SPTLC3: variants seen among roughly 807,000 people sequenced by gnomAD.
The protein encoded by SPTLC3 is serine palmitoyltransferase long chain base subunit 3, also known as serine palmitoyltransferase 3.
In SPTLC3, 36 loss-of-function variants were observed where a neutral mutation model predicts 59.3. The ratio of observed to expected loss-of-function variants is 0.61; its 90% confidence interval spans 0.47 to 0.80. SPTLC3 has a LOEUF of 0.80. Among genes scored for constraint, SPTLC3 ranks in the 30% least tolerant of loss-of-function variants. SPTLC3 has a pLI of 0.00. For synonymous variants in SPTLC3, 257 were observed against 240.8 expected (o/e 1.07, Z -0.62); for missense variants, 625 against 685.1 (o/e 0.91, Z 0.98).
At chr20:13,013,849 G>C (rs1207351690) in intron 1 of SPTLC3, among the ~76,000 whole-genome samples, 3 of 152,146 alleles carry the variant, frequency 2.0e-5, no homozygotes, top group African/African-American at 7.2e-5. Context: ...TCATGATTCA[G>C]GCAGGGGCTG....
chr20:13,134,129 T>C (rs964332870), intron 9 of SPTLC3, among the ~76,000 whole-genome samples: 1 of 152,200 alleles, frequency 6.6e-6, no homozygotes, highest in Non-Finnish European at 1.5e-5. Context: ...GCAGCTACCA[T>C]ATAACAATCC....
Position 13,024,499 on chromosome 20 carries a change from C to A in SPTLC3, c.117+15115C>A, listed in dbSNP as rs576204092. On this transcript the variant is annotated intron_variant, in intron 1 of 11. Coordinates refer to ENST00000399002, the MANE Select transcript of SPTLC3 (RefSeq NM_018327.4). ...AACCCTTCAGCATGCATACCATTAACTTCAATATTTTTCTATAGTTTTTTT... is the reference window on the plus strand; with the variant it reads ...AACCCTTCAGCATGCATACCATTAAATTCAATATTTTTCTATAGTTTTTTT... 2.0e-5 allele frequency among the ~76,000 whole-genome samples: 3 copies of A among 152,214 alleles called. No homozygotes were observed. The South Asian group carries it at 6.2e-4, about 32-fold the overall frequency.
intron 2 of SPTLC3, among the ~76,000 whole-genome samples, chr20:13,052,374 C>T (rs1987533416): frequency 6.6e-6 from 1 of 152,186 alleles, no homozygotes; most frequent in Non-Finnish European, 1.5e-5. Flanking sequence ...GTCTTCACAA[C>T]CCGCAGACCA....
intron 1 of SPTLC3, among the ~76,000 whole-genome samples, chr20:13,026,491 T>C (rs912713585): frequency 3.3e-5 from 5 of 152,186 alleles, no homozygotes; most frequent in African/African-American, 1.2e-4. Context: ...ATTGAGGTTT[T>C]TTCATATGCT....
rs2038712525 is a variant in SPTLC3, at chr20:13,154,104, G to T, written c.1381G>T (p.Val461Phe). The T allele has an allele frequency of 8.1e-6, 13 of 1,614,146 alleles. No individual in the cohort carries two copies. The highest frequency in any genetic ancestry group is 1.1e-5 in the Non-Finnish European group (13 of 1,180,000). The change falls in exon 10 of 12, where the codon GTT (valine) becomes TTT (phenylalanine). Residue 461 changes from valine to phenylalanine, a missense_variant. Transcript: ENST00000399002. ...IIYGNENASV[V>F]PLLLYMPGKV... is the part of the protein sequence containing the mutation. Reference sequence around the variant, plus strand: ...CTATGGCAATGAGAATGCTTCTGTTGTTCCTCTGCTTCTTTATATGCCTGG... The same window carrying T: ...CTATGGCAATGAGAATGCTTCTGTTTTTCCTCTGCTTCTTTATATGCCTGG...
At chr20:13,013,109 G>A (rs1159459511) in intron 1 of SPTLC3, among the ~76,000 whole-genome samples, 1 of 152,194 alleles carries the variant, frequency 6.6e-6, no homozygotes, top group African/African-American at 2.4e-5. Context: ...GTGAGAAGCA[G>A]TGCTGTGGCT....
intron 1 of SPTLC3, among the ~76,000 whole-genome samples, chr20:13,021,220 A>G (rs965739960): frequency 2.6e-5 from 4 of 152,050 alleles, no homozygotes; most frequent in Admixed American, 6.6e-5. Context: ...TGCATTTTCT[A>G]TTCTTGGTTC....
intron 9 of SPTLC3, among the ~76,000 whole-genome samples, chr20:13,152,081 T>A (rs1317150503): frequency 1.3e-5 from 2 of 152,066 alleles, no homozygotes; most frequent in Non-Finnish European, 2.9e-5. Flanking sequence ...CTTACCTGGG[T>A]AGAGCATTAT....
At chr20:13,104,725 G>C (rs1479489291) in intron 6 of SPTLC3, among the ~76,000 whole-genome samples, 1 of 152,100 alleles carries the variant, frequency 6.6e-6, no homozygotes, top group South Asian at 2.1e-4. Context: ...GTGTCATTGT[G>C]ACTCAAGAAC....
At chr20:13,050,461 A>G (rs900098047) in intron 2 of SPTLC3, 4 of 152,354 alleles carry the variant, frequency 2.6e-5, no homozygotes, top group East Asian at 3.9e-4. Flanking sequence ...CCTAAGAATA[A>G]TCAATGTTCC....
intron 11 of SPTLC3, among the ~76,000 whole-genome samples, chr20:13,162,076 G>A (rs2123004490): frequency 6.6e-6 from 1 of 152,270 alleles, no homozygotes; most frequent in African/African-American, 2.4e-5. Context: ...TCTTTTAAAT[G>A]AAATGAGTTG....
At chr20:13,088,148 C>T (rs1013568138) in intron 4 of SPTLC3, among the ~76,000 whole-genome samples, 4 of 152,126 alleles carry the variant, frequency 2.6e-5, no homozygotes, top group Admixed American at 6.5e-5. Context: ...TAGGTAAACG[C>T]GTATCTGGCA....
chr20:13,063,616 A>G (rs1195156116), intron 2 of SPTLC3, among the ~76,000 whole-genome samples: 1 of 148,378 alleles, frequency 6.7e-6, no homozygotes, highest in African/African-American at 2.5e-5. Context: ...GTAAAGGACT[A>G]TTTTTTAAAT....
At chr20:13,082,918 C>T (rs901771097) in intron 4 of SPTLC3, among the ~76,000 whole-genome samples, 1 of 152,218 alleles carries the variant, frequency 6.6e-6, no homozygotes. Context: ...TCATCAATGT[C>T]TGCTCCTAAT....
chr20:13,134,190 T>C (rs775010880), intron 9 of SPTLC3, among the ~76,000 whole-genome samples: 4 of 152,184 alleles, frequency 2.6e-5, no homozygotes, highest in Non-Finnish European at 5.9e-5. Flanking sequence ...TCCAGTTGAA[T>C]TGGAAAGAAA....
At chr20:13,114,372 T>C (rs909655652) in intron 7 of SPTLC3, among the ~76,000 whole-genome samples, 3 of 152,240 alleles carry the variant, frequency 2.0e-5, no homozygotes, top group African/African-American at 7.2e-5. Context: ...TATCAACTCA[T>C]AGTGGTTGAG....
At position 13,093,540 on chromosome 20, in the gene SPTLC3, ACT is replaced by A. The variant is rs770464540; in HGVS notation, c.793_794del (p.Ser265ArgfsTer72). ...NHTSLVLGAR[L>X]SGATIRIFKH... ...ACACATCGCTTGTGCTTGGGGCCCG[ACT>A]CTCAGGTGCAACCATAAGAATCTTC... On this transcript the variant is annotated frameshift_variant, in exon 6 of 12. Transcript: ENST00000399002. LOFTEE classifies it high-confidence loss of function. 1.9e-6 allele frequency: 3 copies of A among 1,613,506 alleles called. No individual in the cohort carries two copies. The highest frequency in any genetic ancestry group is 2.5e-6 in the Non-Finnish European group (3 of 1,179,578).
chr20:13,060,244 G>A (rs1038782498), intron 2 of SPTLC3, among the ~76,000 whole-genome samples: 9 of 152,228 alleles, frequency 5.9e-5, no homozygotes, highest in Admixed American at 2.0e-4. Flanking sequence ...TTATATACAG[G>A]TAGCAAAGAT....
chr20:13,149,469 C>A (rs1409497306), intron 9 of SPTLC3, among the ~76,000 whole-genome samples: 1 of 152,194 alleles, frequency 6.6e-6, no homozygotes, highest in Admixed American at 6.5e-5. Context: ...CCACCTCTGT[C>A]CCCAGGCCTT....
Sources: allele counts gnomAD v4.1 joint callset (sites outside exome capture counted in the v4.1 genomes callset), GRCh38; gene constraint gnomAD v4.1.1; transcripts MANE v1.5; gene names NCBI Gene and HGNC (gene_info 2026-07-23, HGNC 2026-07-21).